TFEC: variants seen among roughly 807,000 people sequenced by gnomAD.
The protein encoded by TFEC is class E basic helix-loop-helix protein 34.
Under a neutral mutation model 41.6 loss-of-function variants are expected in TFEC, and 31 were observed. That is an observed-to-expected ratio of 0.74 (90% confidence interval 0.56 to 1.01). The LOEUF is 1.01. Among genes scored for constraint, TFEC ranks in the 50% least tolerant of loss-of-function variants. TFEC has a pLI of 0.00. For synonymous variants in TFEC, 143 were observed against 140.6 expected, an observed-to-expected ratio of 1.02 and a Z score of -0.12; for missense variants, 402 against 404.1, an observed-to-expected ratio of 0.99 and a Z score of 0.04.
intron 2 of TFEC, among the ~76,000 whole-genome samples, chr7:115,979,711 T>G (rs1339661476): frequency 6.6e-6 from 1 of 152,178 alleles, no homozygotes; most frequent in African/African-American, 2.4e-5. Flanking sequence ...ATACTTCTCT[T>G]AACAGTCCCT....
intron 3 of TFEC, among the ~76,000 whole-genome samples, chr7:116,043,572 T>C (rs1296911628): frequency 6.6e-6 from 1 of 152,166 alleles, no homozygotes; most frequent in Non-Finnish European, 1.5e-5. Flanking sequence ...ATGATCAAAT[T>C]TGAAATATTT....
chr7:116,148,029 C>T lies in TFEC; in HGVS notation c.-69+11761G>A, dbSNP rs149857781. On this transcript the variant is annotated intron_variant, in intron 1 of 8. Transcript: ENST00000484212. ...AGTAAGATTGACAAGTAGCAGAGGT[C>T]TACAAATTTAAATAGGGCTATTGGA... Among the ~76,000 whole-genome samples the T allele has an allele frequency of 4.4e-3, 669 of 152,198 alleles. 4 individuals are homozygous for T. The highest frequency in any genetic ancestry group is 0.015 in the African/African-American group (637 of 41,534).
In TFEC at chr7:116,090,266, T is replaced by C. The variant is rs1193398336; in HGVS notation, c.198+20442A>G. The stretch of plus-strand genomic sequence containing the variant: ...TTCTTTCTGCAACCAATTAGACTGA[T>C]TGCGGGCCACCAATTCATTTACATG... On this transcript the variant is annotated intron_variant, in intron 3 of 8. Transcript: ENST00000484212. 4.6e-5 allele frequency among the ~76,000 whole-genome samples: 7 copies of C among 152,248 alleles called. No homozygotes were observed. The South Asian group carries it at 8.3e-4, about 18-fold the overall frequency.
chr7:115,966,265 C>T (rs1462434152), intron 3 of TFEC, among the ~76,000 whole-genome samples: 2 of 151,642 alleles, frequency 1.3e-5, no homozygotes, highest in Non-Finnish European at 2.9e-5. Context: ...ACATACTGTG[C>T]CCATGGCTCT....
At position 115,999,434 on chromosome 7, in the gene TFEC, T is replaced by C. The variant is rs1175860593; in HGVS notation, c.-72-14921A>G. Among the ~76,000 whole-genome samples, 4 of 151,594 alleles carry C rather than the reference T, an allele frequency of 2.6e-5. No homozygotes were observed. The South Asian group carries it at 6.3e-4, about 24-fold the overall frequency. Reference sequence around the variant, plus strand: ...AACCTAACAATGCATCTTAAAGAAATAGAAAAGCAAGAGAAAGTAAACCCC... The same window carrying C: ...AACCTAACAATGCATCTTAAAGAAACAGAAAAGCAAGAGAAAGTAAACCCC... On this transcript the variant is annotated intron_variant, in intron 1 of 7. Transcript: ENST00000265440.
intron 3 of TFEC, among the ~76,000 whole-genome samples, chr7:116,059,564 C>T (rs1028680030): frequency 6.6e-6 from 1 of 151,832 alleles, no homozygotes; most frequent in African/African-American, 2.4e-5. Flanking sequence ...GTATCCTTTG[C>T]GAGCATAAAT....
At chr7:116,074,942 G>A (rs1040189663) in intron 3 of TFEC, among the ~76,000 whole-genome samples, 1 of 152,054 alleles carries the variant, frequency 6.6e-6, no homozygotes, top group Non-Finnish European at 1.5e-5. Context: ...CAATAAAAAC[G>A]AATGAAAATG....
At chr7:116,060,269 G>A (rs1796522165) in intron 3 of TFEC, among the ~76,000 whole-genome samples, 1 of 152,144 alleles carries the variant, frequency 6.6e-6, no homozygotes, top group Non-Finnish European at 1.5e-5. Context: ...TGGTGGAAGT[G>A]TAAATTAGTT....
At chr7:115,973,054 A>T (rs990653317) in intron 3 of TFEC, among the ~76,000 whole-genome samples, 1 of 151,986 alleles carries the variant, frequency 6.6e-6, no homozygotes, top group African/African-American at 2.4e-5. Context: ...TCTGAAGAGA[A>T]AAAAGGTAGA....
intron 2 of TFEC, among the ~76,000 whole-genome samples, chr7:115,980,640 C>G (rs1041649734): frequency 6.6e-6 from 1 of 152,034 alleles, no homozygotes; most frequent in African/African-American, 2.4e-5. Flanking sequence ...GTCCCAGCTA[C>G]CTGGGAGGCT....
At chr7:116,042,764 T>C (rs1265285550) in intron 3 of TFEC, among the ~76,000 whole-genome samples, 3 of 152,170 alleles carry the variant, frequency 2.0e-5, no homozygotes, top group Admixed American at 2.0e-4. Flanking sequence ...TAGGTCAATA[T>C]GACTCTTCTC....
intron 1 of TFEC, among the ~76,000 whole-genome samples, chr7:116,007,614 T>C (rs2130800943): frequency 6.6e-6 from 1 of 152,318 alleles, no homozygotes; most frequent in South Asian, 2.1e-4. Context: ...CTGTAGTCTT[T>C]TGACTTAGTT....
chr7:116,061,216 A>C (rs1208988622), intron 3 of TFEC, among the ~76,000 whole-genome samples: 2 of 152,150 alleles, frequency 1.3e-5, no homozygotes, highest in Non-Finnish European at 2.9e-5. Context: ...TTTCAAACTT[A>C]TAAAGTTTCA....
chr7:115,953,698 A>G (rs1372962660), intron 5 of TFEC, among the ~76,000 whole-genome samples: 1 of 151,972 alleles, frequency 6.6e-6, no homozygotes, highest in Non-Finnish European at 1.5e-5. Context: ...TGAGAATAAA[A>G]TCATTTCTCA....
At chr7:116,003,696 A>G (rs2130784792) in intron 1 of TFEC, among the ~76,000 whole-genome samples, 1 of 152,300 alleles carries the variant, frequency 6.6e-6, no homozygotes, top group South Asian at 2.1e-4. Flanking sequence ...ATTTTTCTCA[A>G]GCTCTCATGG....
chr7:116,090,628 A>G (rs1797304288), intron 3 of TFEC, among the ~76,000 whole-genome samples: 1 of 152,136 alleles, frequency 6.6e-6, no homozygotes, highest in South Asian at 2.1e-4. Context: ...AGTAGAAAAT[A>G]CTAGAATGGT....
intron 3 of TFEC, among the ~76,000 whole-genome samples, chr7:116,062,433 A>G (rs1242143385): frequency 2.7e-5 from 4 of 149,158 alleles, no homozygotes; most frequent in Admixed American, 2.0e-4. Context: ...GCTCCCACTT[A>G]TGAGTGAGAA....
chr7:116,096,081 C>G (rs1055159283), intron 3 of TFEC, among the ~76,000 whole-genome samples: 3 of 152,062 alleles, frequency 2.0e-5, no homozygotes, highest in Admixed American at 2.0e-4. Flanking sequence ...TTGTATTTCC[C>G]TTTATTGACT....
At chr7:116,060,479 C>T (rs1796527784) in intron 3 of TFEC, among the ~76,000 whole-genome samples, 1 of 152,030 alleles carries the variant, frequency 6.6e-6, no homozygotes, top group African/African-American at 2.4e-5. Flanking sequence ...CCATCAATGA[C>T]AGGTGGGATT....
Sources: gnomAD v4.1 joint callset for allele counts (sites outside exome capture counted in the v4.1 genomes callset) on GRCh38, gnomAD v4.1.1 for gene constraint, MANE v1.5 for transcripts, NCBI Gene and HGNC (gene_info 2026-07-23, HGNC 2026-07-21) for gene names.